PTPRT: variants seen among roughly 807,000 people sequenced by gnomAD.
PTPRT encodes receptor-type tyrosine-protein phosphatase T.
PTPRT carries 56 observed loss-of-function variants against 176.8 expected under a neutral mutation model. The ratio of observed to expected loss-of-function variants is 0.32; its 90% CI spans 0.26 to 0.40. The LOEUF is 0.40. Among genes scored for constraint, PTPRT ranks in the 10% least tolerant of loss-of-function variants. The pLI is 1.00. For synonymous variants in PTPRT, 783 were observed against 739.0 expected, an observed-to-expected ratio of 1.06 and a Z score of -0.96; for missense variants, 1,540 against 1,908.2, an observed-to-expected ratio of 0.81 and a Z score of 3.60.
chr20:42,103,642 T>C (rs1038245264), intron 25 of PTPRT, among the ~76,000 whole-genome samples: 1 of 152,190 alleles, frequency 6.6e-6, no homozygotes, highest in Non-Finnish European at 1.5e-5. Context: ...ACTTGTTTTG[T>C]ATTTTTAGTA....
At chr20:42,150,777 A>G (rs1989091485) in intron 17 of PTPRT, among the ~76,000 whole-genome samples, 1 of 152,140 alleles carries the variant, frequency 6.6e-6, no homozygotes. Context: ...TTAACTATAC[A>G]GAAGTAACGC....
At chr20:42,720,223 G>T (rs1461411378) in intron 6 of PTPRT, among the ~76,000 whole-genome samples, 1 of 152,184 alleles carries the variant, frequency 6.6e-6, no homozygotes, top group South Asian at 2.1e-4. Context: ...CCTTTGTACC[G>T]AACCGTGGGC....
At chr20:42,579,735 G>T (rs1262217203) in intron 7 of PTPRT, among the ~76,000 whole-genome samples, 1 of 152,144 alleles carries the variant, frequency 6.6e-6, no homozygotes, top group Non-Finnish European at 1.5e-5. Context: ...CATATCGTTT[G>T]CCCACTTGTT....
intron 7 of PTPRT, among the ~76,000 whole-genome samples, chr20:42,643,903 C>A (rs769851970): frequency 6.6e-6 from 1 of 151,340 alleles, no homozygotes; most frequent in Admixed American, 6.6e-5. Context: ...CCTCTCTGAG[C>A]TTATGGCTCC....
At chr20:42,211,257 C>G (rs1331945985) in intron 15 of PTPRT, among the ~76,000 whole-genome samples, 4 of 151,822 alleles carry the variant, frequency 2.6e-5, no homozygotes, top group Non-Finnish European at 4.4e-5. Flanking sequence ...ATGTCTAAAA[C>G]ACCAAAAGCA....
chr20:42,605,765 C>T (rs1388860631), intron 7 of PTPRT, among the ~76,000 whole-genome samples: 1 of 152,204 alleles, frequency 6.6e-6, no homozygotes, highest in Admixed American at 6.5e-5. Flanking sequence ...CCCCCTCCTA[C>T]AGGAGCCCAG....
intron 4 of PTPRT, among the ~76,000 whole-genome samples, chr20:42,777,233 G>C (rs1406111741): frequency 6.6e-6 from 1 of 152,060 alleles, no homozygotes; most frequent in African/African-American, 2.4e-5. Flanking sequence ...AACTACTCAC[G>C]ATGCTGCCCA....
At chr20:42,734,380 T>TA (rs2076506956) in intron 6 of PTPRT, among the ~76,000 whole-genome samples, 1 of 152,172 alleles carries the variant, frequency 6.6e-6, no homozygotes, top group Admixed American at 6.5e-5. Context: ...AGAGTCCCTC[T>TA]AGCCCTGAGA....
chr20:42,700,145 T>C (rs1006825044), intron 6 of PTPRT, among the ~76,000 whole-genome samples: 1 of 152,166 alleles, frequency 6.6e-6, no homozygotes, highest in Admixed American at 6.5e-5. Context: ...ATCTCTAACC[T>C]AGCGTTTGGG....
chr20:43,064,762 C>T (rs1987615912), intron 1 of PTPRT, among the ~76,000 whole-genome samples: 1 of 152,194 alleles, frequency 6.6e-6, no homozygotes, highest in South Asian at 2.1e-4. Flanking sequence ...TTCAATTATC[C>T]ACCACCTGCT....
chr20:42,966,395 CCT>C (rs1050231562), intron 1 of PTPRT: 3 of 152,128 alleles, frequency 2.0e-5, no homozygotes, highest in East Asian at 1.9e-4. Context: ...ATCCCTCTTT[CCT>C]CTGTGTTCCC....
intron 1 of PTPRT, among the ~76,000 whole-genome samples, chr20:42,905,390 T>C (rs183630192): frequency 1.1e-3 from 162 of 152,324 alleles, no homozygotes; most frequent in African/African-American, 3.8e-3. Flanking sequence ...CCAGTTAGAA[T>C]GGCCATCATT....
chr20:42,246,536 G>A (rs2056454154), intron 14 of PTPRT, among the ~76,000 whole-genome samples: 1 of 152,122 alleles, frequency 6.6e-6, no homozygotes, highest in Admixed American at 6.5e-5. Context: ...CTCAGAGGAG[G>A]TTAAAACTAC....
chr20:42,345,203 A>T (rs1230610154), intron 11 of PTPRT, among the ~76,000 whole-genome samples: 1 of 152,038 alleles, frequency 6.6e-6, no homozygotes, highest in Non-Finnish European at 1.5e-5. Flanking sequence ...AAAATTTTAA[A>T]CATCAGTTTC....
At chr20:43,098,755 C>T (rs2012273555) in intron 1 of PTPRT, among the ~76,000 whole-genome samples, 1 of 152,170 alleles carries the variant, frequency 6.6e-6, no homozygotes. Context: ...AGCACAGTGA[C>T]TGTCTACAAA....
Position 42,529,405 on chromosome 20 carries a change from A to G in PTPRT, c.1154-56843T>C, listed in dbSNP as rs577430945. ...TTGGATCATCAGATATGGATGGAAG[A>G]ATGGGAGAAGGAGGAGCCAACTGCT... On this transcript the variant is annotated intron_variant, in intron 7 of 30. Transcript: ENST00000373187. Among the ~76,000 whole-genome samples the G allele has an allele frequency of 1.2e-4, 18 of 152,308 alleles. 1 individual carries two copies. In the South Asian group the frequency reaches 3.5e-3, roughly 30 times the overall value.
At chr20:42,379,161 G>C (rs926099987) in intron 9 of PTPRT, among the ~76,000 whole-genome samples, 2 of 152,278 alleles carry the variant, frequency 1.3e-5, no homozygotes, top group South Asian at 2.1e-4. Flanking sequence ...CCTCAGTCTT[G>C]CTCCACAAAG....
At chr20:42,900,366 C>T (rs1394657376) in intron 1 of PTPRT, among the ~76,000 whole-genome samples, 3 of 152,080 alleles carry the variant, frequency 2.0e-5, no homozygotes, top group African/African-American at 7.2e-5. Context: ...TTGAGTGGTC[C>T]CTGATGGTGA....
Position 42,615,586 on chromosome 20 carries a change from T to C in PTPRT, c.1153+62280A>G, listed in dbSNP as rs1430749150. Among the ~76,000 whole-genome samples, 9 of 136,160 alleles carry C rather than the reference T, an allele frequency of 6.6e-5. 2 individuals carry two copies. Among genetic ancestry groups the C allele is most frequent in the African/African-American group, 2.9e-4 (9 of 30,706 alleles). The allele number at this position is 136,160 out of a possible 152,430, so 89.3% of individuals were successfully genotyped here. Reference sequence around the variant, plus strand: ...AAAGTGTTCCTATTTCTCCACATCCTCTCCAGCACCTGTTGTTTCCTGACT... The same window carrying C: ...AAAGTGTTCCTATTTCTCCACATCCCCTCCAGCACCTGTTGTTTCCTGACT... On this transcript the variant is annotated intron_variant, in intron 7 of 30. Transcript: ENST00000373187.
Sources: gnomAD v4.1 joint callset for allele counts (sites outside exome capture counted in the v4.1 genomes callset) on GRCh38, gnomAD v4.1.1 for gene constraint, MANE v1.5 for transcripts, NCBI Gene and HGNC (gene_info 2026-07-23, HGNC 2026-07-21) for gene names.